Variants in TJP1 observed in about 807,000 individuals in gnomAD.
TJP1 encodes the protein tight junction protein 1, also known as tight junction protein ZO-1.
A neutral mutation model predicts 194.2 loss-of-function variants in TJP1; 43 were observed. That is an observed-to-expected ratio of 0.22 (90% CI 0.17 to 0.29). The LOEUF (loss-of-function observed/expected upper bound fraction) is 0.29. Ranked by LOEUF, TJP1 falls within the 10% of genes least tolerant of loss-of-function variation. The probability of loss-of-function intolerance (pLI) is 1.00; values close to 1 mark genes in which losing one functional copy is unlikely to be tolerated. For synonymous variants in TJP1, 801 were observed against 779.0 expected, an observed-to-expected ratio of 1.03 and a Z score of -0.47; for missense variants, 1,971 against 2,185.7, an observed-to-expected ratio of 0.90 and a Z score of 1.96.
At chr15:29,901,690 G>A (rs111862153) in intron 2 of TJP1, among the ~76,000 whole-genome samples, 10,561 of 151,964 alleles carry the variant, frequency 0.069, 409 homozygotes, top group South Asian at 0.11. Context: ...GCTTGGTGGC[G>A]GGCGCCTGTA....
chr15:29,871,095 G>A (rs2052502086), intron 2 of TJP1, among the ~76,000 whole-genome samples: 1 of 152,230 alleles, frequency 6.6e-6, no homozygotes, highest in South Asian at 2.1e-4. Context: ...ACTGGACAAA[G>A]GAAAGGAAAG....
chr15:29,795,204 G>A (rs1228312342), intron 2 of TJP1, among the ~76,000 whole-genome samples: 1 of 151,986 alleles, frequency 6.6e-6, no homozygotes, highest in South Asian at 2.1e-4. Context: ...TGGGAGGATT[G>A]CCTGAGGTCA....
At chr15:29,863,802 A>C (rs562171956) in intron 2 of TJP1, among the ~76,000 whole-genome samples, 1 of 152,310 alleles carries the variant, frequency 6.6e-6, no homozygotes, top group East Asian at 1.9e-4. Flanking sequence ...ATCCCCCAGA[A>C]TGATGACAAA....
At chr15:29,850,386 A>G (rs990154811) in intron 2 of TJP1, among the ~76,000 whole-genome samples, 2 of 152,128 alleles carry the variant, frequency 1.3e-5, no homozygotes, top group African/African-American at 4.8e-5. Context: ...GCTGGAGTGT[A>G]GTGGCGCAAT....
chr15:29,755,426 ATATATGATCT>A (rs2045582141), intron 8 of TJP1, among the ~76,000 whole-genome samples: 1 of 152,226 alleles, frequency 6.6e-6, no homozygotes, highest in Non-Finnish European at 1.5e-5. Context: ...TTGATCCCAA[ATATATGATCT>A]TAACTTGGCC....
intron 2 of TJP1, among the ~76,000 whole-genome samples, chr15:29,783,590 A>T (rs1009121303): frequency 1.3e-5 from 2 of 152,224 alleles, no homozygotes; most frequent in Non-Finnish European, 2.9e-5. Flanking sequence ...CCATCAACGA[A>T]AGACTAGATG....
intron 10 of TJP1, among the ~76,000 whole-genome samples, chr15:29,738,950 G>A (rs1189537910): frequency 6.6e-6 from 1 of 151,750 alleles, no homozygotes; most frequent in Non-Finnish European, 1.5e-5. Context: ...AGGCTGAGGT[G>A]GGAGGATTCC....
intron 2 of TJP1, among the ~76,000 whole-genome samples, chr15:29,794,559 T>C (rs1431122405): frequency 1.3e-5 from 2 of 152,166 alleles, no homozygotes; most frequent in South Asian, 2.1e-4. Context: ...TTTCTTAATA[T>C]TGAGGATCTT....
chr15:29,910,489 G>C (rs1366204478), intron 2 of TJP1, among the ~76,000 whole-genome samples: 3 of 152,034 alleles, frequency 2.0e-5, no homozygotes, highest in Admixed American at 2.0e-4. Flanking sequence ...CTGGTATCAT[G>C]TTTACTTCTA....
At chr15:29,766,573 G>T in intron 4 of TJP1, 31 bp from the exon 5 acceptor site, 1 of 1,518,846 alleles carries the variant, frequency 6.6e-7, no homozygotes, top group Non-Finnish European at 8.8e-7. Context: ...AAAATAAGTT[G>T]ACTGATTTTC....
chr15:29,913,388 T>C (rs934938888), intron 2 of TJP1, among the ~76,000 whole-genome samples: 4 of 152,188 alleles, frequency 2.6e-5, no homozygotes, highest in Admixed American at 2.0e-4. Flanking sequence ...GAGAATGACC[T>C]ACAAGGGTTT....
intron 2 of TJP1, among the ~76,000 whole-genome samples, chr15:29,858,553 C>CT (rs1010447666): frequency 1.3e-5 from 2 of 151,738 alleles, no homozygotes; most frequent in African/African-American, 2.4e-5. Flanking sequence ...TATTGCTTTC[C>CT]TTTTTTTTGA....
intron 2 of TJP1, among the ~76,000 whole-genome samples, chr15:29,790,474 T>A (rs935898454): frequency 1.3e-5 from 2 of 152,232 alleles, no homozygotes; most frequent in South Asian, 2.1e-4. Flanking sequence ...ACAAGTATAA[T>A]GTGTAACGAT....
intron 2 of TJP1, among the ~76,000 whole-genome samples, chr15:29,789,262 GT>G (rs965406568): frequency 1.3e-5 from 2 of 152,144 alleles, no homozygotes; most frequent in African/African-American, 4.8e-5. Flanking sequence ...AGGGAATTAA[GT>G]TTTTTGGGGC....
At chr15:29,881,452 G>GCAGT (rs2052925685) in intron 2 of TJP1, among the ~76,000 whole-genome samples, 1 of 152,158 alleles carries the variant, frequency 6.6e-6, no homozygotes, top group African/African-American at 2.4e-5. Context: ...TTGGAGACAG[G>GCAGT]CAGTCCATTG....
chr15:29,826,033 C>T (rs918716450), upstream of TJP1, among the ~76,000 whole-genome samples: 1 of 151,924 alleles, frequency 6.6e-6, no homozygotes, highest in Non-Finnish European at 1.5e-5. Context: ...TTAAAACAAA[C>T]ATTATAAACT....
chr15:29,722,296 G>T (rs1329035909), intron 18 of TJP1, among the ~76,000 whole-genome samples: 1 of 152,212 alleles, frequency 6.6e-6, no homozygotes, highest in East Asian at 1.9e-4. Flanking sequence ...GGGTGATCCA[G>T]GCCCGGCCCT....
intron 2 of TJP1, among the ~76,000 whole-genome samples, chr15:29,800,281 C>A (rs1274773987): frequency 1.3e-5 from 2 of 152,198 alleles, no homozygotes; most frequent in Admixed American, 1.3e-4. Context: ...ATTATGCATA[C>A]AACCTGGTTT....
chr15:29,734,089 G>A (rs2043852350), intron 12 of TJP1, among the ~76,000 whole-genome samples, 185 bp downstream of exon 12: 1 of 152,076 alleles, frequency 6.6e-6, no homozygotes, highest in Admixed American at 6.5e-5. Context: ...AGCATGCTCT[G>A]CTAATGAGAA....
Sources: allele counts gnomAD v4.1 joint callset (sites outside exome capture counted in the v4.1 genomes callset), GRCh38; gene constraint gnomAD v4.1.1; transcripts MANE v1.5; gene names NCBI Gene and HGNC (gene_info 2026-07-23, HGNC 2026-07-21).